Variants in KCNK10 observed in about 807,000 individuals in gnomAD.
KCNK10 encodes potassium two pore domain channel subfamily K member 10.
A neutral mutation model predicts 47.7 loss-of-function variants in KCNK10; 25 were observed. The ratio of observed to expected loss-of-function variants is 0.52; its 90% confidence interval spans 0.38 to 0.73. KCNK10 has a LOEUF of 0.73. Ranked by LOEUF, KCNK10 falls within the 30% of genes least tolerant of loss-of-function variation. The pLI, the probability that KCNK10 is intolerant of heterozygous loss-of-function variation, is 0.00. For synonymous variants in KCNK10, 303 were observed against 285.6 expected (o/e 1.06, Z -0.61); for missense variants, 563 against 714.5 (o/e 0.79, Z 2.42).
chr14:88,267,220 G>T (rs1466793288), intron 1 of KCNK10, among the ~76,000 whole-genome samples: 1 of 152,160 alleles, frequency 6.6e-6, no homozygotes, highest in Non-Finnish European at 1.5e-5. Flanking sequence ...TAGTTGTCAG[G>T]AGTACCGGCA....
intron 3 of KCNK10, among the ~76,000 whole-genome samples, chr14:88,234,810 G>T (rs1237797320): frequency 6.6e-6 from 1 of 152,204 alleles, no homozygotes; most frequent in African/African-American, 2.4e-5. Context: ...TTTCAGCAGA[G>T]CTGGAAGAAG....
rs10148716 is a variant in KCNK10, at chr14:88,257,677, C to T, written c.402+5525G>A. Among the ~76,000 whole-genome samples the T allele has an allele frequency of 9.1e-3, 1,381 of 152,306 alleles. 22 individuals carry two copies. The highest frequency in any genetic ancestry group is 0.032 in the African/African-American group (1,324 of 41,562). ...TTCAGCTCCTGCTGCCTCATTTCCT[C>T]GCCTGTATGTGGGCACCAAAGATTA... On this transcript the variant is annotated intron_variant, in intron 2 of 6. Coordinates refer to ENST00000319231, the MANE Select transcript of KCNK10 (RefSeq NM_138317.3).
intron 2 of KCNK10, among the ~76,000 whole-genome samples, chr14:88,259,639 G>A (rs946082570): frequency 6.6e-6 from 1 of 152,010 alleles, no homozygotes; most frequent in African/African-American, 2.4e-5. Flanking sequence ...GTAACTTTTT[G>A]TACAAAAGGG....
chr14:88,283,714 A>G (rs12587484), intron 1 of KCNK10, among the ~76,000 whole-genome samples: 19,451 of 152,202 alleles, frequency 0.13, 1,798 homozygotes, highest in East Asian at 0.44. Flanking sequence ...GATCGAGACC[A>G]TCCTGGCCAA....
rs187207192 is a variant in KCNK10, at chr14:88,214,908, T to C, written c.681+12467A>G. On this transcript the variant is annotated intron_variant, in intron 4 of 6. Coordinates refer to ENST00000319231, the MANE Select transcript of KCNK10 (RefSeq NM_138317.3). ...GGCTCCTCTGAGCCATCAGATGCTA[T>C]GCCTACATTGCAAGAGAAAGAAGAA... 1.2e-4 allele frequency among the ~76,000 whole-genome samples: 18 copies of C among 152,320 alleles called. No individual in the cohort carries two copies. The East Asian group carries it at 3.3e-3, about 28-fold the overall frequency.
At position 88,254,114 on chromosome 14, in the gene KCNK10, A is replaced by G. The variant is rs369980603; in HGVS notation, c.402+9088T>C. Among the ~76,000 whole-genome samples, 4 of 152,126 alleles carry G rather than the reference A, an allele frequency of 2.6e-5. No homozygotes were observed. The East Asian group carries it at 5.8e-4, about 22-fold the overall frequency. Reference sequence around the variant, plus strand: ...ATGAAGGCCCCGGGACTTTCTTCAGACAGAAAAACTATCATGAACAGACAG... The same window carrying G: ...ATGAAGGCCCCGGGACTTTCTTCAGGCAGAAAAACTATCATGAACAGACAG... On this transcript the variant is annotated intron_variant, in intron 2 of 6. Transcript: ENST00000319231.
At chr14:88,310,181 G>GATATACCATATCATATGGTATATC (rs1888288619) in intron 1 of KCNK10, among the ~76,000 whole-genome samples, 5 of 45,276 alleles carry the variant, frequency 1.1e-4, no homozygotes, top group African/African-American at 1.7e-4. Context: ...TATGGTATAT[G>GATATACCATATCATATGGTATATC]ATATACCATA....
At chr14:88,222,885 C>T (rs1450272559) in intron 4 of KCNK10, among the ~76,000 whole-genome samples, 2 of 152,164 alleles carry the variant, frequency 1.3e-5, no homozygotes, top group African/African-American at 2.4e-5. Context: ...TCTGGATACA[C>T]CTGACATTGT....
At chr14:88,266,891 ATCCC>A (rs1887273319) in intron 1 of KCNK10, among the ~76,000 whole-genome samples, 1 of 152,210 alleles carries the variant, frequency 6.6e-6, no homozygotes, top group Non-Finnish European at 1.5e-5. Flanking sequence ...AGCTTCTAGC[ATCCC>A]TGAGGCTGGG....
intron 1 of KCNK10, among the ~76,000 whole-genome samples, chr14:88,267,148 G>T (rs142860668): frequency 0.013 from 2,027 of 152,166 alleles, 20 homozygotes; most frequent in Non-Finnish European, 0.021. Context: ...TTTTCTAAAC[G>T]TCCACAGGGT....
chr14:88,216,925 G>T (rs1241527775), intron 4 of KCNK10, among the ~76,000 whole-genome samples: 1 of 152,220 alleles, frequency 6.6e-6, no homozygotes, highest in Admixed American at 6.5e-5. Context: ...GGGAGGCCAA[G>T]GTGGGCAGAT....
At chr14:88,257,841 A>C (rs1203267032) in intron 2 of KCNK10, among the ~76,000 whole-genome samples, 1 of 152,200 alleles carries the variant, frequency 6.6e-6, no homozygotes, top group Non-Finnish European at 1.5e-5. Context: ...TTATTGGCTT[A>C]CATGCCTCTT....
intron 2 of KCNK10, among the ~76,000 whole-genome samples, chr14:88,259,820 T>C (rs1295360033): frequency 6.6e-6 from 1 of 152,226 alleles, no homozygotes; most frequent in Non-Finnish European, 1.5e-5. Context: ...TTTATGTCCC[T>C]GCCCAAATCT....
upstream of KCNK10, among the ~76,000 whole-genome samples, chr14:88,324,599 C>T (rs1453519026): frequency 2.0e-5 from 3 of 152,098 alleles, no homozygotes; most frequent in Non-Finnish European, 4.4e-5. Context: ...AGACAGAGAT[C>T]TTGCCTTCAT....
At position 88,186,858 on chromosome 14, in the gene KCNK10, C is replaced by T. The variant is rs867609682; in HGVS notation, c.1012-703G>A. Among the ~76,000 whole-genome samples the T allele has an allele frequency of 2.0e-5, 3 of 152,184 alleles. No individual in the cohort carries two copies. Among genetic ancestry groups the T allele is most frequent in the Admixed American group, 6.5e-5 (1 of 15,278 alleles). On this transcript the variant is annotated intron_variant, in intron 6 of 6. Coordinates refer to ENST00000319231, the MANE Select transcript of KCNK10 (RefSeq NM_138317.3). This position sits in a 1 kb window ranked among gnomAD's most constrained non-coding sequence, Gnocchi z 5.5. ...TTCCCCCAGTCAGGGTGCAGGAAGACGGCCTATTCTGCCAAAGCCCACAGA... is the reference window on the plus strand; with the variant it reads ...TTCCCCCAGTCAGGGTGCAGGAAGATGGCCTATTCTGCCAAAGCCCACAGA...
chr14:88,227,089 A>G (rs1259727010), intron 4 of KCNK10, among the ~76,000 whole-genome samples: 1 of 152,224 alleles, frequency 6.6e-6, no homozygotes, highest in Non-Finnish European at 1.5e-5. Flanking sequence ...TTGAAGGAGA[A>G]ACTGAACTTG....
At chr14:88,235,618 C>T (rs1185122321) in intron 3 of KCNK10, among the ~76,000 whole-genome samples, 2 of 152,000 alleles carry the variant, frequency 1.3e-5, no homozygotes, top group African/African-American at 2.4e-5. Context: ...GAGCTCATGG[C>T]AGCACAGGCA....
chr14:88,218,037 T>A (rs949685334), intron 4 of KCNK10, among the ~76,000 whole-genome samples: 15 of 152,072 alleles, frequency 9.9e-5, no homozygotes, highest in Non-Finnish European at 2.1e-4. Flanking sequence ...TTTCTTTTTT[T>A]TTTCAGAGAT....
At chr14:88,304,080 A>G (rs1888160570) in intron 1 of KCNK10, among the ~76,000 whole-genome samples, 1 of 152,092 alleles carries the variant, frequency 6.6e-6, no homozygotes, top group Non-Finnish European at 1.5e-5. Flanking sequence ...ACTTTGGGAG[A>G]GTGAGAAGGG....
Sources: allele counts gnomAD v4.1 joint callset (sites outside exome capture counted in the v4.1 genomes callset), GRCh38; gene constraint gnomAD v4.1.1; non-coding constraint Gnocchi (gnomAD v3.1); transcripts MANE v1.5; gene names NCBI Gene and HGNC (gene_info 2026-07-23, HGNC 2026-07-21).